Variants in METAP1 observed in about 807,000 individuals in gnomAD.
The protein encoded by METAP1 is methionyl aminopeptidase 1, also known as methionine aminopeptidase 1.
Under a neutral mutation model 53.8 loss-of-function variants are expected in METAP1, and 28 were observed. The observed-to-expected ratio is 0.52, with a 90% confidence interval of 0.39 to 0.71. METAP1 has a LOEUF of 0.71. Ranked by LOEUF, METAP1 falls within the 30% of genes least tolerant of loss-of-function variation. The pLI is 0.00. For missense variants in METAP1, 389 were observed against 479.8 expected (o/e 0.81, Z 1.77); for synonymous variants, 181 against 165.7 (o/e 1.09, Z -0.71).
At chr4:99,056,129 G>C (rs935256350) in intron 9 of METAP1, among the ~76,000 whole-genome samples, 1 of 152,108 alleles carries the variant, frequency 6.6e-6, no homozygotes, top group Non-Finnish European at 1.5e-5. Context: ...GAGTTTAGTT[G>C]AGTCAGCCTC....
chr4:99,027,976 T>C (rs1724700272), intron 1 of METAP1, among the ~76,000 whole-genome samples: 1 of 151,802 alleles, frequency 6.6e-6, no homozygotes, highest in Admixed American at 6.6e-5. Flanking sequence ...TTCCCGTGCT[T>C]TTTTTTTCCT....
At chr4:99,003,729 C>T (rs528548969) in intron 1 of METAP1, among the ~76,000 whole-genome samples, 1 of 152,234 alleles carries the variant, frequency 6.6e-6, no homozygotes, top group Non-Finnish European at 1.5e-5. Context: ...TCCCTCTGTT[C>T]TCATACCACA....
intron 10 of METAP1, 81 bp from the exon 11 acceptor site, chr4:99,061,073 G>A (rs1579350894): frequency 6.9e-7 from 1 of 1,454,246 alleles, no homozygotes; most frequent in Non-Finnish European, 9.4e-7. Context: ...TCTTAGTAGT[G>A]AATTTTTTCC....
At chr4:99,039,155 T>G in intron 4 of METAP1, 3 of 396,598 alleles carry the variant, frequency 7.6e-6, no homozygotes, top group East Asian at 4.3e-5. Context: ...GGTCTGAAAA[T>G]TTATCTTTTA....
intron 4 of METAP1, among the ~76,000 whole-genome samples, chr4:99,036,802 C>T (rs1309440021): frequency 1.3e-5 from 2 of 151,956 alleles, no homozygotes; most frequent in Admixed American, 6.6e-5. Context: ...AGTAACTACT[C>T]TTATATTTAT....
intron 1 of METAP1, among the ~76,000 whole-genome samples, chr4:99,014,234 C>T (rs1468388114): frequency 2.0e-5 from 3 of 152,292 alleles, no homozygotes; most frequent in Admixed American, 6.5e-5. Context: ...GAGTTCTTAG[C>T]TAGCTTGTTT....
At chr4:99,042,851 A>G (rs996043763) in intron 6 of METAP1, among the ~76,000 whole-genome samples, 1 of 152,004 alleles carries the variant, frequency 6.6e-6, no homozygotes, top group Non-Finnish European at 1.5e-5. Flanking sequence ...TGGATTTTGG[A>G]ATATTTGTAT....
At chr4:99,012,190 T>A (rs1225725205) in intron 1 of METAP1, among the ~76,000 whole-genome samples, 1 of 152,038 alleles carries the variant, frequency 6.6e-6, no homozygotes, top group Admixed American at 6.6e-5. Flanking sequence ...TAATATTTAT[T>A]ATTTCCTTCT....
At position 98,995,770 on chromosome 4, in the gene METAP1, C is replaced by G; in HGVS notation, c.17C>G (p.Thr6Arg). MAAVE[T>R]RVCETDGCSS... ...GCAGGCAGCATGGCGGCCGTGGAGACGCGGGTGTGCGAGACAGACGGCTGC... is the reference window on the plus strand; with the variant it reads ...GCAGGCAGCATGGCGGCCGTGGAGAGGCGGGTGTGCGAGACAGACGGCTGC... The change falls in exon 1 of 11, where the codon ACG becomes AGG. Residue 6 changes from threonine to arginine, a missense_variant. Thr to Arg is a moderately conservative substitution (Grantham distance 71). Coordinates refer to ENST00000296411, the MANE Select transcript of METAP1 (RefSeq NM_015143.3). 6.5e-7 allele frequency: 1 copy of G among 1,544,746 alleles called. No homozygotes were observed.
At chr4:99,049,324 G>A (rs1726503453) in intron 9 of METAP1, among the ~76,000 whole-genome samples, 1 of 152,164 alleles carries the variant, frequency 6.6e-6, no homozygotes, top group South Asian at 2.1e-4. Flanking sequence ...ATGGGAAAAC[G>A]TAATCTAATT....
At chr4:99,021,442 G>C (rs1056532621) in intron 1 of METAP1, among the ~76,000 whole-genome samples, 2 of 152,112 alleles carry the variant, frequency 1.3e-5, no homozygotes, top group African/African-American at 4.8e-5. Context: ...AGGGCAGCTG[G>C]GTGCCTCCCC....
chr4:99,035,414 A>C lies in METAP1; in HGVS notation c.294A>C (p.Pro98=). The C allele has an allele frequency of 6.5e-7, 1 of 1,548,096 alleles. No homozygotes were observed. Among genetic ancestry groups the C allele is most frequent in the South Asian group, 1.2e-5 (1 of 83,946 alleles). The change falls in exon 4 of 11, where the codon CCA becomes CCC. Residue 98 remains proline (P), a synonymous_variant. Coordinates refer to ENST00000296411, the MANE Select transcript of METAP1 (RefSeq NM_015143.3). ...TTTGTTTTTAGATGCCAACAAGGCCAGTGCCAAGTTATATTCAAAGACCAG... is the reference window on the plus strand; with the variant it reads ...TTTGTTTTTAGATGCCAACAAGGCCCGTGCCAAGTTATATTCAAAGACCAG... The part of the protein sequence containing the change: ...RPHYPLMPTR[P]VPSYIQRPDY...
intron 3 of METAP1, among the ~76,000 whole-genome samples, chr4:99,034,752 A>G (rs1313265240): frequency 6.6e-6 from 1 of 152,182 alleles, no homozygotes; most frequent in Non-Finnish European, 1.5e-5. Context: ...GCGTCAACAG[A>G]TGCAGAACCA....
chr4:99,014,591 C>T (rs1210674510), intron 1 of METAP1, among the ~76,000 whole-genome samples: 2 of 152,208 alleles, frequency 1.3e-5, no homozygotes, highest in Admixed American at 6.5e-5. Context: ...ACCCCCCTTG[C>T]AACACCTGTC....
intron 10 of METAP1, among the ~76,000 whole-genome samples, chr4:99,060,524 C>T (rs1043161407): frequency 6.6e-6 from 1 of 151,904 alleles, no homozygotes; most frequent in Non-Finnish European, 1.5e-5. Flanking sequence ...ACACCATGCC[C>T]GGGTGATTTT....
At chr4:99,045,610 A>G (rs1377348948) in intron 8 of METAP1, among the ~76,000 whole-genome samples, 3 of 152,126 alleles carry the variant, frequency 2.0e-5, no homozygotes, top group African/African-American at 7.2e-5. Context: ...CTATTTTTAA[A>G]ATTCTTTCCA....
At chr4:98,998,237 G>T (rs1722731707) in intron 1 of METAP1, among the ~76,000 whole-genome samples, 1 of 152,110 alleles carries the variant, frequency 6.6e-6, no homozygotes, top group African/African-American at 2.4e-5. Context: ...TGAAATATGG[G>T]CTTGGCTGGG....
At chr4:99,009,684 C>T (rs1247910158) in intron 1 of METAP1, among the ~76,000 whole-genome samples, 1 of 152,082 alleles carries the variant, frequency 6.6e-6, no homozygotes, top group Non-Finnish European at 1.5e-5. Flanking sequence ...GAAATGTCTG[C>T]TTAAGTCTTT....
intron 4 of METAP1, among the ~76,000 whole-genome samples, chr4:99,036,633 C>G (rs891615565): frequency 2.6e-5 from 4 of 152,052 alleles, no homozygotes; most frequent in Admixed American, 1.3e-4. Context: ...CTTAATATGT[C>G]TTACAAATGT....
Sources: gnomAD v4.1 joint callset for allele counts (sites outside exome capture counted in the v4.1 genomes callset) on GRCh38, gnomAD v4.1.1 for gene constraint, MANE v1.5 for transcripts, NCBI Gene and HGNC (gene_info 2026-07-23, HGNC 2026-07-21) for gene names.